The following DCAF6 variants were observed in gnomAD, a reference collection of about 807,000 sequenced individuals.
DCAF6 encodes DDB1 and CUL4 associated factor 6, also known as DDB1- and CUL4-associated factor 6.
Under a neutral mutation model 125.1 loss-of-function variants are expected in DCAF6, and 54 were observed. The ratio of observed to expected loss-of-function variants is 0.43; its 90% CI spans 0.35 to 0.54. The LOEUF is 0.54. Among genes scored for constraint, DCAF6 ranks in the 20% least tolerant of loss-of-function variants. The pLI is 0.01. For synonymous variants in DCAF6, 371 were observed against 390.4 expected (o/e 0.95, Z 0.58); for missense variants, 934 against 1,161.7 (o/e 0.80, Z 2.85).
At chr1:167,876,728 G>A in the DCAF6 span, among the ~76,000 whole-genome samples, 1 of 152,220 alleles carries the variant, frequency 6.6e-6, no homozygotes, top group African/African-American at 2.4e-5. Flanking sequence ...AATGGCCCCA[G>A]TACCTGTATC....
At chr1:167,887,806 C>T in the DCAF6 span, among the ~76,000 whole-genome samples, 1 of 151,242 alleles carries the variant, frequency 6.6e-6, no homozygotes, top group African/African-American at 2.4e-5. Flanking sequence ...GATGTTATCC[C>T]ATCTGTCCAT....
intron 1 of DCAF6, chr1:167,937,212 C>T (rs927463618): frequency 5.0e-5 from 30 of 600,560 alleles, no homozygotes; most frequent in Non-Finnish European, 8.2e-5. Context: ...AGCCGCCGCC[C>T]TTGCTGGGTT....
At chr1:167,984,912 G>A (rs1259163737) in intron 4 of DCAF6, among the ~76,000 whole-genome samples, 5 of 152,166 alleles carry the variant, frequency 3.3e-5, no homozygotes, top group Non-Finnish European at 1.5e-5. Context: ...AGGTTTATTG[G>A]ACTTACAGTT....
the DCAF6 span, among the ~76,000 whole-genome samples, chr1:167,897,997 C>CAAAAAAA: frequency 5.8e-5 from 1 of 17,390 alleles, no homozygotes; most frequent in African/African-American, 3.1e-4. Context: ...GACTCTGTCT[C>CAAAAAAA]AAAAAAAAAA....
At chr1:168,004,403 G>C in intron 9 of DCAF6, 130 bp from the exon 10 acceptor site, 1 of 1,027,410 alleles carries the variant, frequency 9.7e-7, no homozygotes, top group Non-Finnish European at 1.4e-6. Context: ...CAAATCACCA[G>C]TAGTTATTAT....
At chr1:167,884,673 C>G in the DCAF6 span, among the ~76,000 whole-genome samples, 5 of 151,668 alleles carry the variant, frequency 3.3e-5, no homozygotes, top group Non-Finnish European at 5.9e-5. Flanking sequence ...ATTCTCTACC[C>G]CCATGAGTTC....
At chr1:167,925,767 T>C in the DCAF6 span, among the ~76,000 whole-genome samples, 5 of 151,916 alleles carry the variant, frequency 3.3e-5, no homozygotes, top group Admixed American at 2.0e-4. Flanking sequence ...CAGGCTGGTC[T>C]CAAACTCCTG....
the DCAF6 span, chr1:167,916,683 C>A: frequency 6.6e-6 from 1 of 152,148 alleles, no homozygotes; most frequent in African/African-American, 2.4e-5. Flanking sequence ...GCTTAGGAGA[C>A]CCCGCACAGA....
chr1:167,956,979 G>A (rs1212606050), intron 2 of DCAF6, among the ~76,000 whole-genome samples: 3 of 151,992 alleles, frequency 2.0e-5, no homozygotes, highest in Admixed American at 2.0e-4. Flanking sequence ...CCAGAATGTT[G>A]TCTCTATTGG....
chr1:167,956,078 T>G (rs1674739762), intron 2 of DCAF6, among the ~76,000 whole-genome samples: 1 of 152,184 alleles, frequency 6.6e-6, no homozygotes, highest in Non-Finnish European at 1.5e-5. Context: ...GAACATTGTC[T>G]CTTTCTATTT....
chr1:167,899,632 G>C, the DCAF6 span: 16 of 1,613,482 alleles, frequency 9.9e-6, no homozygotes, highest in Non-Finnish European at 1.4e-5. Flanking sequence ...GCCAGTCCTG[G>C]CAAGAAGGCA....
At chr1:167,949,533 G>A (rs1033461293) in intron 1 of DCAF6, among the ~76,000 whole-genome samples, 11 of 152,170 alleles carry the variant, frequency 7.2e-5, no homozygotes, top group African/African-American at 2.7e-4. Context: ...CCTCAGCTGT[G>A]ATTAAAACCC....
the DCAF6 span, among the ~76,000 whole-genome samples, chr1:167,893,003 T>G: frequency 2.1e-3 from 324 of 152,220 alleles, 1 homozygote; most frequent in African/African-American, 7.6e-3. Flanking sequence ...AATAAATACA[T>G]GAACTAGCAG....
At position 167,987,523 on chromosome 1, in the gene DCAF6, C is replaced by G. The variant is rs1439253128; in HGVS notation, c.467C>G (p.Thr156Ser). The G allele has an allele frequency of 1.9e-6, 3 of 1,602,458 alleles. No individual in the cohort carries two copies. The highest frequency in any genetic ancestry group is 1.3e-5 in the African/African-American group (1 of 74,812). ...EIMTVPNDPY[T>S]FLSCGEDGTV... The stretch of plus-strand genomic sequence containing the variant: ...ATGACTGTACCCAATGACCCTTACA[C>G]TTTTCTCTCTTGTGGTGAAGATGGA... Residue 156 changes from threonine (T) to serine (S), a missense_variant, in exon 5 of 22, where the codon ACT becomes AGT. This residue lies in a region of DCAF6 where 309 missense variants were observed against 381.2 expected (regional missense o/e 0.81). Coordinates refer to ENST00000367840, the MANE Select transcript of DCAF6 (RefSeq NM_001198956.2).
chr1:167,873,210 C>A, the DCAF6 span, among the ~76,000 whole-genome samples: 1 of 152,110 alleles, frequency 6.6e-6, no homozygotes, highest in African/African-American at 2.4e-5. Context: ...AAAGTAAGGC[C>A]TCTGAGGAGG....
the DCAF6 span, among the ~76,000 whole-genome samples, chr1:167,925,454 T>TAC: frequency 4.4e-5 from 5 of 114,706 alleles, no homozygotes; most frequent in African/African-American, 1.5e-4. Flanking sequence ...TATATATATA[T>TAC]ATATATATAT....
chr1:167,980,855 T>G (rs184975415), intron 4 of DCAF6, among the ~76,000 whole-genome samples: 2 of 152,148 alleles, frequency 1.3e-5, no homozygotes, highest in Non-Finnish European at 1.5e-5. Flanking sequence ...ACTGTGATTT[T>G]GTTGTTATAT....
chr1:168,056,082 G>A (rs1288719701), intron 17 of DCAF6: 5 of 1,596,202 alleles, frequency 3.1e-6, no homozygotes, highest in Non-Finnish European at 1.7e-6. Context: ...TGATAAAGGA[G>A]AATAGAGTTC....
chr1:168,004,806 A>G lies in DCAF6; in HGVS notation c.1378+13A>G, dbSNP rs1301772355. The G allele has an allele frequency of 2.5e-6, 4 of 1,608,068 alleles. No individual in the cohort carries two copies. The highest frequency in any genetic ancestry group is 4.5e-5 in the East Asian group (2 of 44,756). On this transcript the variant is annotated intron_variant, in intron 10 of 21. Transcript: ENST00000367840. ...CATCATCAGTCTGGTGAGGATAAGTATGCTGTGGTTCATCTAATGATTTTT... is the reference window on the plus strand; with the variant it reads ...CATCATCAGTCTGGTGAGGATAAGTGTGCTGTGGTTCATCTAATGATTTTT...
Sources: allele counts gnomAD v4.1 joint callset (sites outside exome capture counted in the v4.1 genomes callset), GRCh38; gene constraint gnomAD v4.1.1; regional missense constraint gnomAD v4.1.1; transcripts MANE v1.5; gene names NCBI Gene and HGNC (gene_info 2026-07-23, HGNC 2026-07-21).